The following SNX29 variants were observed in gnomAD, a reference collection of about 807,000 sequenced individuals.
The protein encoded by SNX29 is sorting nexin-29.
Under a neutral mutation model 102.1 loss-of-function variants are expected in SNX29, and 78 were observed. The observed-to-expected ratio is 0.76, with a 90% CI of 0.64 to 0.92. SNX29 has a LOEUF of 0.92. Among genes scored for constraint, SNX29 ranks in the 40% least tolerant of loss-of-function variants. The probability of loss-of-function intolerance (pLI) is 0.00; values close to 1 mark genes in which losing one functional copy is unlikely to be tolerated. For missense variants in SNX29, 1,280 were observed against 1,061.7 expected, an observed-to-expected ratio of 1.21 and a Z score of -2.86; for synonymous variants, 580 against 414.5, an observed-to-expected ratio of 1.40 and a Z score of -4.85.
intron 19 of SNX29, among the ~76,000 whole-genome samples, chr16:12,522,740 C>T (rs2090147120): frequency 6.6e-6 from 1 of 152,190 alleles, no homozygotes; most frequent in Non-Finnish European, 1.5e-5. Context: ...TCCTGTACAG[C>T]CTGCGAAACC....
chr16:12,507,533 G>A (rs1451777430), intron 19 of SNX29, among the ~76,000 whole-genome samples: 1 of 152,170 alleles, frequency 6.6e-6, no homozygotes, highest in Non-Finnish European at 1.5e-5. Context: ...AGTGGCTTGT[G>A]TGTAGATCCC....
chr16:12,139,126 A>T (rs2054771069), intron 13 of SNX29, among the ~76,000 whole-genome samples: 1 of 139,324 alleles, frequency 7.2e-6, no homozygotes. Context: ...TGGGCCCAGG[A>T]GGCAGAGGCT....
At chr16:12,039,208 A>G (rs1396794410) in intron 4 of SNX29, among the ~76,000 whole-genome samples, 1 of 152,250 alleles carries the variant, frequency 6.6e-6, no homozygotes, top group African/African-American at 2.4e-5. Flanking sequence ...ATTAATTATT[A>G]AGCAAATGCT....
At chr16:12,461,212 C>G (rs920177452) in intron 18 of SNX29, among the ~76,000 whole-genome samples, 1 of 152,192 alleles carries the variant, frequency 6.6e-6, no homozygotes, top group African/African-American at 2.4e-5. Context: ...CTGCTCCAAA[C>G]TATTGGCTCA....
intron 20 of SNX29, among the ~76,000 whole-genome samples, chr16:12,553,494 C>G (rs1597971558): frequency 6.6e-6 from 1 of 152,166 alleles, no homozygotes; most frequent in Non-Finnish European, 1.5e-5. Flanking sequence ...CCAGGCAGGG[C>G]AGGTGCACAC....
intron 18 of SNX29, among the ~76,000 whole-genome samples, chr16:12,441,979 C>T (rs535811421): frequency 6.6e-6 from 1 of 152,212 alleles, no homozygotes; most frequent in South Asian, 2.1e-4. Context: ...GGGGCTTCAC[C>T]TTGTTGGCCA....
chr16:12,483,147 G>A lies in SNX29; in HGVS notation c.2178+5288G>A, dbSNP rs1438339329. ...TTTTTTTTTTTTTTTTTTTTTTGGA[G>A]ACAGCACCTGCCATCATGCCTGGCT... On this transcript the variant is annotated intron_variant, in intron 19 of 20. Transcript: ENST00000566228. Among the ~76,000 whole-genome samples, 5 of 35,096 alleles carry A rather than the reference G, an allele frequency of 1.4e-4. 1 individual carries two copies. The highest frequency in any genetic ancestry group is 6.6e-4 in the African/African-American group (5 of 7,626). The allele number at this position is 35,096 out of a possible 152,430, so 23.0% of individuals were successfully genotyped here.
intron 13 of SNX29, among the ~76,000 whole-genome samples, chr16:12,160,317 T>G (rs565825330): frequency 1.1e-4 from 17 of 152,362 alleles, no homozygotes; most frequent in African/African-American, 3.8e-4. Flanking sequence ...ATCTTCATTT[T>G]AGTTTAGATT....
At chr16:12,324,167 C>A (rs970869842) in intron 15 of SNX29, among the ~76,000 whole-genome samples, 2 of 151,858 alleles carry the variant, frequency 1.3e-5, no homozygotes, top group African/African-American at 4.8e-5. Context: ...GGGGTCATTC[C>A]ATGGGCTTTT....
chr16:12,309,783 A>G lies in SNX29; in HGVS notation c.1782+31747A>G, dbSNP rs2080469007. Among the ~76,000 whole-genome samples, 7 of 152,096 alleles carry G rather than the reference A, an allele frequency of 4.6e-5. No individual in the cohort carries two copies. The South Asian group carries it at 1.4e-3, about 32-fold the overall frequency. ...GTATTGAGTGGTTTGGAGGAATTGG[A>G]AGGGTTTCCTTTAGAAAGGGCAGTG... On this transcript the variant is annotated intron_variant, in intron 15 of 20. Transcript: ENST00000566228.
chr16:12,420,699 G>A lies in SNX29; in HGVS notation c.2037+17170G>A, dbSNP rs543776958. On this transcript the variant is annotated intron_variant, in intron 18 of 20. Coordinates refer to ENST00000566228, the MANE Select transcript of SNX29 (RefSeq NM_032167.5). ...GATTAAATGAGATGATAGAGGTAAA[G>A]CCACTTAGTAGGACTGGCCCCTACT... is the stretch of plus-strand genomic sequence containing the variant. Among the ~76,000 whole-genome samples, 4 of 152,348 alleles carry A rather than the reference G, an allele frequency of 2.6e-5. No homozygotes were observed. The East Asian group carries it at 5.8e-4, about 22-fold the overall frequency.
At chr16:12,164,743 G>A (rs1239137183) in intron 13 of SNX29, among the ~76,000 whole-genome samples, 3 of 146,382 alleles carry the variant, frequency 2.0e-5, no homozygotes, top group East Asian at 2.0e-4. Flanking sequence ...GCTGGAGTGC[G>A]GTGGTATGAT....
At chr16:12,186,531 G>T (rs1225104737) in intron 13 of SNX29, among the ~76,000 whole-genome samples, 1 of 152,146 alleles carries the variant, frequency 6.6e-6, no homozygotes, top group Admixed American at 6.5e-5. Context: ...TGTAACACTG[G>T]TGCAGTATTA....
chr16:12,285,720 T>C (rs1001604922), intron 15 of SNX29, among the ~76,000 whole-genome samples: 1 of 152,222 alleles, frequency 6.6e-6, no homozygotes, highest in Non-Finnish European at 1.5e-5. Context: ...CCAGGAGTCA[T>C]TTTTGTATAA....
intron 18 of SNX29, among the ~76,000 whole-genome samples, chr16:12,444,170 A>G (rs1383827390): frequency 6.6e-6 from 1 of 152,122 alleles, no homozygotes; most frequent in East Asian, 1.9e-4. Flanking sequence ...CCTAGCATGT[A>G]ATAAGCACTC....
At chr16:12,366,839 GTC>G (rs553913053) in intron 16 of SNX29, 4 of 148,698 alleles carry the variant, frequency 2.7e-5, no homozygotes, top group African/African-American at 5.0e-5. Flanking sequence ...CTCTGCCTCT[GTC>G]TCTCTCTCTC....
intron 11 of SNX29, chr16:12,087,843 A>G (rs993039743): frequency 8.8e-6 from 4 of 456,786 alleles, no homozygotes; most frequent in Non-Finnish European, 1.8e-5. Context: ...CTCCTGGTTG[A>G]CGTGGCTGGG....
At chr16:12,502,968 A>G (rs896241114) in intron 19 of SNX29, among the ~76,000 whole-genome samples, 4 of 152,230 alleles carry the variant, frequency 2.6e-5, no homozygotes, top group Non-Finnish European at 4.4e-5. Context: ...GGCAGTTCTG[A>G]TACCTGTGTT....
intron 13 of SNX29, among the ~76,000 whole-genome samples, chr16:12,154,508 T>A (rs1042797020): frequency 6.6e-6 from 1 of 152,110 alleles, no homozygotes; most frequent in Non-Finnish European, 1.5e-5. Context: ...GTCGCCCCTA[T>A]TAGACTCAGA....
Sources: gnomAD v4.1 joint callset for allele counts (sites outside exome capture counted in the v4.1 genomes callset) on GRCh38, gnomAD v4.1.1 for gene constraint, MANE v1.5 for transcripts, NCBI Gene and HGNC (gene_info 2026-07-23, HGNC 2026-07-21) for gene names.